The following AGBL4 variants were observed in gnomAD, a reference collection of about 807,000 sequenced individuals.
The protein encoded by AGBL4 is AGBL carboxypeptidase 4.
A neutral mutation model predicts 66.4 loss-of-function variants in AGBL4; 58 were observed. The observed-to-expected ratio is 0.87, with a 90% CI of 0.71 to 1.09. The LOEUF is 1.09. AGBL4 is among the 50% of genes least tolerant of loss of function. AGBL4 has a pLI of 0.00. For missense variants in AGBL4, 579 were observed against 631.0 expected (o/e 0.92, Z 0.88); for synonymous variants, 234 against 222.9 (o/e 1.05, Z -0.44).
intron 3 of AGBL4, among the ~76,000 whole-genome samples, chr1:49,310,164 T>C (rs1254640798): frequency 6.6e-6 from 1 of 151,948 alleles, no homozygotes; most frequent in Non-Finnish European, 1.5e-5. Flanking sequence ...AGGGACAATA[T>C]AGTAAGAGAT....
chr1:48,833,845 A>AGATT (rs774908675), intron 6 of AGBL4, among the ~76,000 whole-genome samples: 2 of 152,184 alleles, frequency 1.3e-5, no homozygotes, highest in Non-Finnish European at 2.9e-5. Flanking sequence ...AAAAAGGGGA[A>AGATT]GATTGACACC....
At chr1:48,946,485 G>T (rs539834885) in intron 5 of AGBL4, among the ~76,000 whole-genome samples, 1 of 152,300 alleles carries the variant, frequency 6.6e-6, no homozygotes, top group South Asian at 2.1e-4. Context: ...GGCATCCCAG[G>T]TACAAGTCCT....
At chr1:49,140,445 C>G (rs1385966413) in intron 4 of AGBL4, among the ~76,000 whole-genome samples, 1 of 152,236 alleles carries the variant, frequency 6.6e-6, no homozygotes, top group Non-Finnish European at 1.5e-5. Context: ...ATCAGGCTGC[C>G]CTGCCCCAGG....
intron 5 of AGBL4, among the ~76,000 whole-genome samples, chr1:49,029,840 T>C (rs545570442): frequency 9.6e-4 from 146 of 152,280 alleles, no homozygotes; most frequent in Non-Finnish European, 1.9e-3. Flanking sequence ...TATAGATCAA[T>C]AGAATGTAAC....
chr1:49,515,528 C>T (rs986030492), intron 3 of AGBL4, among the ~76,000 whole-genome samples: 27 of 151,912 alleles, frequency 1.8e-4, no homozygotes, highest in African/African-American at 6.3e-4. Flanking sequence ...CCCAGCAATC[C>T]CATTACTGGG....
chr1:48,801,277 C>G (rs978962695), intron 6 of AGBL4, among the ~76,000 whole-genome samples: 22 of 152,228 alleles, frequency 1.4e-4, no homozygotes, highest in Admixed American at 1.2e-3. Context: ...GCTTTCTGGC[C>G]TTGCCCCTCC....
intron 2 of AGBL4, among the ~76,000 whole-genome samples, chr1:49,701,902 A>G (rs1345720424): frequency 6.6e-6 from 1 of 152,174 alleles, no homozygotes; most frequent in African/African-American, 2.4e-5. Flanking sequence ...ATGTAACTAT[A>G]CTTATATCAG....
chr1:49,624,940 T>C (rs894227443), intron 3 of AGBL4, among the ~76,000 whole-genome samples: 1 of 152,222 alleles, frequency 6.6e-6, no homozygotes, highest in Non-Finnish European at 1.5e-5. Flanking sequence ...AGATTTTTTT[T>C]CCCTATTAGT....
intron 3 of AGBL4, among the ~76,000 whole-genome samples, chr1:49,343,125 C>T (rs941185765): frequency 1.3e-5 from 2 of 151,578 alleles, no homozygotes; most frequent in African/African-American, 4.9e-5. Flanking sequence ...TCTTCTCAGT[C>T]GGCCTGAATT....
At chr1:49,146,062 T>C (rs1646211809) in intron 4 of AGBL4, among the ~76,000 whole-genome samples, 1 of 152,128 alleles carries the variant, frequency 6.6e-6, no homozygotes, top group Non-Finnish European at 1.5e-5. Flanking sequence ...ATCCAAACAA[T>C]TGAACTCATG....
At chr1:49,730,863 G>A (rs190704639) in intron 2 of AGBL4, among the ~76,000 whole-genome samples, 89 of 152,314 alleles carry the variant, frequency 5.8e-4, no homozygotes, top group Admixed American at 1.0e-3. Flanking sequence ...GTGTCAATAC[G>A]TGATAGCCAA....
chr1:49,947,565 T>C (rs1348369528), intron 1 of AGBL4, among the ~76,000 whole-genome samples: 2 of 151,802 alleles, frequency 1.3e-5, no homozygotes, highest in Non-Finnish European at 2.9e-5. Flanking sequence ...AAGCCATCTA[T>C]GACAAATCCA....
rs1345611613 is a variant in AGBL4 at position 48,997,416 on chromosome 1, C to A, written c.594+48168G>T. On this transcript the variant is annotated intron_variant, in intron 5 of 13. Coordinates refer to ENST00000371839, the MANE Select transcript of AGBL4 (RefSeq NM_032785.4). ...TCAGGTAGTTGTTATCATATGGCTT[C>A]TTTTTTCTCTTTTAAGAATGAGATA... Among the ~76,000 whole-genome samples, 3 of 152,154 alleles carry A rather than the reference C, an allele frequency of 2.0e-5. No homozygotes were observed. The South Asian group carries it at 6.2e-4, about 32-fold the overall frequency.
chr1:48,612,393 G>A (rs1473154259), intron 9 of AGBL4, among the ~76,000 whole-genome samples: 1 of 152,192 alleles, frequency 6.6e-6, no homozygotes, highest in African/African-American at 2.4e-5. Flanking sequence ...GGAAAGTTCA[G>A]GGGAAGGAAA....
At position 48,639,242 on chromosome 1, in the gene AGBL4, C is replaced by T. The variant is rs139090503; in HGVS notation, c.840-4638G>A. ...TGTGATATTCTTCAGTGAGTAGTAC[C>T]TGCATGGGCACCTTTTGAGCTGATT... On this transcript the variant is annotated intron_variant, in intron 8 of 13. Coordinates refer to ENST00000371839, the MANE Select transcript of AGBL4 (RefSeq NM_032785.4). Among the ~76,000 whole-genome samples the T allele has an allele frequency of 1.1e-3, 169 of 152,322 alleles. 1 individual carries two copies. The highest frequency in any genetic ancestry group is 3.8e-3 in the African/African-American group (156 of 41,580).
intron 3 of AGBL4, among the ~76,000 whole-genome samples, chr1:49,520,594 A>T (rs960859470): frequency 1.3e-5 from 2 of 151,964 alleles, no homozygotes; most frequent in Non-Finnish European, 2.9e-5. Flanking sequence ...GACTGCTCCC[A>T]TTACAATCTA....
intron 3 of AGBL4, among the ~76,000 whole-genome samples, chr1:49,511,614 AT>A (rs200646640): frequency 3.2e-4 from 49 of 151,848 alleles, no homozygotes; most frequent in East Asian, 1.6e-3. Flanking sequence ...ATTAAAAAAA[AT>A]TTTTTTTTAA....
intron 2 of AGBL4, among the ~76,000 whole-genome samples, chr1:49,735,296 G>GTGTGTGT (rs1649779120): frequency 9.3e-4 from 119 of 127,386 alleles, no homozygotes; most frequent in African/African-American, 3.7e-3. Context: ...GAGGTGTGTG[G>GTGTGTGT]GTGTGTGTGT....
rs371868855 is a variant in AGBL4 at position 49,348,768 on chromosome 1, A to G, written c.283-102904T>C. On this transcript the variant is annotated intron_variant, in intron 3 of 13. Transcript: ENST00000371839. Reference sequence around the variant, plus strand: ...CCACAGAAAACGAATAGAAGCTTTCATTTTCCATGCTAACTCTGACCAATC... The same window carrying G: ...CCACAGAAAACGAATAGAAGCTTTCGTTTTCCATGCTAACTCTGACCAATC... Among the ~76,000 whole-genome samples the G allele has an allele frequency of 2.3e-4, 35 of 152,332 alleles. No homozygotes were observed. The South Asian group carries it at 7.0e-3, about 31-fold the overall frequency.
Sources: gnomAD v4.1 joint callset for allele counts (sites outside exome capture counted in the v4.1 genomes callset) on GRCh38, gnomAD v4.1.1 for gene constraint, MANE v1.5 for transcripts, NCBI Gene and HGNC (gene_info 2026-07-23, HGNC 2026-07-21) for gene names.